SLC25A13: variants seen among roughly 807,000 people sequenced by gnomAD.
The protein encoded by SLC25A13 is solute carrier family 25 member 13.
A neutral mutation model predicts 85.5 loss-of-function variants in SLC25A13; 70 were observed. The ratio of observed to expected loss-of-function variants is 0.82; its 90% confidence interval spans 0.68 to 1.00. The LOEUF is 1.00. SLC25A13 is among the 50% of genes least tolerant of loss of function. The probability of loss-of-function intolerance (pLI) is 0.00; values close to 1 mark genes in which losing one functional copy is unlikely to be tolerated. For missense variants in SLC25A13, 765 were observed against 819.8 expected, an observed-to-expected ratio of 0.93 and a Z score of 0.82; for synonymous variants, 259 against 288.7, an observed-to-expected ratio of 0.90 and a Z score of 1.04.
At chr7:96,145,324 T>C (rs886874566) in intron 14 of SLC25A13, among the ~76,000 whole-genome samples, 1 of 152,146 alleles carries the variant, frequency 6.6e-6, no homozygotes, top group Non-Finnish European at 1.5e-5. Context: ...CAGAGTACCA[T>C]TCGGGGAAGG....
chr7:96,247,104 T>C (rs1797220176), intron 3 of SLC25A13, among the ~76,000 whole-genome samples: 1 of 152,216 alleles, frequency 6.6e-6, no homozygotes, highest in Non-Finnish European at 1.5e-5. Flanking sequence ...TTAAAGATGC[T>C]GAAATAATGT....
At chr7:96,245,547 C>T (rs985426558) in intron 3 of SLC25A13, among the ~76,000 whole-genome samples, 9 of 152,128 alleles carry the variant, frequency 5.9e-5, no homozygotes, top group Non-Finnish European at 8.8e-5. Flanking sequence ...TTAAAAACCC[C>T]GAAAAGCTAT....
At chr7:96,315,550 C>A (rs1800098405) in intron 1 of SLC25A13, among the ~76,000 whole-genome samples, 1 of 152,082 alleles carries the variant, frequency 6.6e-6, no homozygotes, top group South Asian at 2.1e-4. Context: ...TAAAAGGGGA[C>A]AGGACTGAGG....
chr7:96,217,901 G>GA (rs373871911), intron 4 of SLC25A13, among the ~76,000 whole-genome samples: 10,128 of 96,040 alleles, frequency 0.11, 472 homozygotes, highest in Admixed American at 0.15. Context: ...AGCTTTCTCT[G>GA]AAAAAAAAAA....
intron 4 of SLC25A13, among the ~76,000 whole-genome samples, chr7:96,226,302 G>A (rs975120455): frequency 6.6e-6 from 1 of 152,032 alleles, no homozygotes; most frequent in African/African-American, 2.4e-5. Flanking sequence ...TATTTCACTC[G>A]TAGTGTCCTC....
intron 3 of SLC25A13, among the ~76,000 whole-genome samples, chr7:96,266,987 C>T (rs921897806): frequency 5.9e-5 from 9 of 152,146 alleles, no homozygotes; most frequent in Admixed American, 1.3e-4. Flanking sequence ...GAGATGCTTT[C>T]GCCAAATTCT....
intron 13 of SLC25A13, among the ~76,000 whole-genome samples, chr7:96,165,882 T>C (rs1793720538): frequency 6.6e-6 from 1 of 152,220 alleles, no homozygotes; most frequent in Non-Finnish European, 1.5e-5. Context: ...TTTCAAAATA[T>C]AAATTAACTG....
chr7:96,247,681 T>C (rs1327034569), intron 3 of SLC25A13, among the ~76,000 whole-genome samples: 1 of 152,132 alleles, frequency 6.6e-6, no homozygotes, highest in African/African-American at 2.4e-5. Context: ...TGGGATCCAT[T>C]GTGCATTATC....
rs901472695 is a variant in SLC25A13, at chr7:96,180,275, T to C, written c.1177+4002A>G. 3.9e-5 allele frequency among the ~76,000 whole-genome samples: 6 copies of C among 152,354 alleles called. No homozygotes were observed. In the East Asian group the frequency reaches 7.7e-4, roughly 20 times the overall value. The stretch of plus-strand genomic sequence containing the variant: ...CTTTCTGGGAGATTTTCTTTAGGGC[T>C]TCTCCCATCAATAGAAACAAAAATT... On this transcript the variant is annotated intron_variant, in intron 11 of 17. Transcript: ENST00000265631.
chr7:96,131,642 C>T, intron 15 of SLC25A13, 101 bp downstream of exon 15: 1 of 1,522,590 alleles, frequency 6.6e-7, no homozygotes, highest in South Asian at 1.1e-5. Context: ...CATACCCTGT[C>T]AAGAACTATC....
intron 11 of SLC25A13, among the ~76,000 whole-genome samples, chr7:96,179,983 T>C (rs1421920936): frequency 2.0e-5 from 3 of 152,222 alleles, no homozygotes; most frequent in Admixed American, 2.0e-4. Flanking sequence ...TTAAACTAGC[T>C]GCCTGCCAAA....
chr7:96,281,593 C>G (rs73710270), intron 2 of SLC25A13, among the ~76,000 whole-genome samples: 2,050 of 152,136 alleles, frequency 0.013, 42 homozygotes, highest in African/African-American at 0.047. Context: ...TTGGTGGGTG[C>G]TGATCAGAAG....
intron 13 of SLC25A13, among the ~76,000 whole-genome samples, chr7:96,158,431 T>C (rs1793372671): frequency 1.3e-5 from 2 of 152,198 alleles, no homozygotes; most frequent in African/African-American, 4.8e-5. Flanking sequence ...AAGCAATAAA[T>C]ATAACTGTAA....
intron 3 of SLC25A13, among the ~76,000 whole-genome samples, chr7:96,271,988 C>T (rs1185580708): frequency 6.6e-6 from 1 of 151,990 alleles, no homozygotes; most frequent in African/African-American, 2.4e-5. Flanking sequence ...TGGGTTCAAG[C>T]GATTCTCTTG....
At position 96,193,076 on chromosome 7, in the gene SLC25A13, G is replaced by T. The variant is rs753114158; in HGVS notation, c.576C>A (p.Pro192=). The T allele has an allele frequency of 6.2e-7, 1 of 1,613,992 alleles. No homozygotes were observed. The highest frequency in any genetic ancestry group is 2.2e-5 in the East Asian group (1 of 44,866). ...CTTCTACAAAAGGAGTCAAGACATG[G>T]GGGCGGATGGTGACCATGATGTCTC... ...DFRDIMVTIR[P]HVLTPFVEEC... Residue 192 remains proline, a synonymous_variant, in exon 6 of 18, where the codon CCC becomes CCA. Coordinates refer to ENST00000265631, the MANE Select transcript of SLC25A13 (RefSeq NM_014251.3).
At chr7:96,309,179 C>A (rs745782683) in intron 1 of SLC25A13, among the ~76,000 whole-genome samples, 38 of 152,198 alleles carry the variant, frequency 2.5e-4, no homozygotes, top group Admixed American at 9.2e-4. Context: ...CATCTGATGA[C>A]CCAGGGTACT....
chr7:96,310,422 T>G (rs1240122884), intron 1 of SLC25A13, among the ~76,000 whole-genome samples: 2 of 152,258 alleles, frequency 1.3e-5, no homozygotes, highest in Non-Finnish European at 2.9e-5. Context: ...CATTTTTAGG[T>G]TCATGTTGTA....
chr7:96,181,114 G>A (rs540797437), intron 11 of SLC25A13, among the ~76,000 whole-genome samples: 263 of 152,256 alleles, frequency 1.7e-3, no homozygotes, highest in Non-Finnish European at 3.2e-3. Flanking sequence ...TTTCTTGTTA[G>A]GAAAAAAGTA....
chr7:96,233,871 C>A (rs1796647640), intron 4 of SLC25A13, among the ~76,000 whole-genome samples: 1 of 152,240 alleles, frequency 6.6e-6, no homozygotes. Flanking sequence ...AAAATGGGCA[C>A]ATGCCAAGCA....
Sources: gnomAD v4.1 joint callset for allele counts (sites outside exome capture counted in the v4.1 genomes callset) on GRCh38, gnomAD v4.1.1 for gene constraint, MANE v1.5 for transcripts, NCBI Gene and HGNC (gene_info 2026-07-23, HGNC 2026-07-21) for gene names.